The following CCDC88C variants were observed in gnomAD, a reference collection of about 807,000 sequenced individuals.
CCDC88C encodes protein Daple.
CCDC88C carries 131 observed loss-of-function variants against 198.8 expected under a neutral mutation model. The observed-to-expected ratio is 0.66, with a 90% CI of 0.57 to 0.76. The LOEUF is 0.76. CCDC88C is among the 30% of genes least tolerant of loss of function. CCDC88C has a pLI of 0.00. For synonymous variants in CCDC88C, 1,166 were observed against 1,114.7 expected, an observed-to-expected ratio of 1.05 and a Z score of -0.92; for missense variants, 2,553 against 2,631.6, an observed-to-expected ratio of 0.97 and a Z score of 0.65.
intron 4 of CCDC88C, 31 bp downstream of exon 4, chr14:91,359,611 C>T (rs372337181): frequency 6.3e-7 from 1 of 1,581,500 alleles, no homozygotes; most frequent in Non-Finnish European, 8.6e-7. Context: ...GGCTGGGCAC[C>T]ACAGGGGAGA....
chr14:91,287,059 C>T (rs1399523403), intron 25 of CCDC88C, among the ~76,000 whole-genome samples: 1 of 152,124 alleles, frequency 6.6e-6, no homozygotes, highest in Non-Finnish European at 1.5e-5. Flanking sequence ...CACTTTGGAC[C>T]AGTCAAGCAT....
intron 16 of CCDC88C, among the ~76,000 whole-genome samples, chr14:91,309,382 C>T (rs538878588): frequency 3.9e-5 from 6 of 152,228 alleles, no homozygotes; most frequent in African/African-American, 1.2e-4. Flanking sequence ...GTGGGCAGAT[C>T]GCTTTGAGCT....
intron 3 of CCDC88C, among the ~76,000 whole-genome samples, chr14:91,403,389 CAT>C (rs772154444): frequency 4.6e-5 from 7 of 152,196 alleles, no homozygotes; most frequent in Non-Finnish European, 8.8e-5. Flanking sequence ...AGAAACTTCA[CAT>C]GACAATGAGG....
chr14:91,404,240 C>G (rs924938320), intron 3 of CCDC88C, among the ~76,000 whole-genome samples: 14 of 152,238 alleles, frequency 9.2e-5, no homozygotes, highest in African/African-American at 2.7e-4. Flanking sequence ...TCAGCTACCC[C>G]CTCAACACCC....
chr14:91,328,527 C>A (rs1466919208), intron 10 of CCDC88C, among the ~76,000 whole-genome samples: 2 of 152,200 alleles, frequency 1.3e-5, no homozygotes, highest in African/African-American at 4.8e-5. Context: ...CAGCAAACAG[C>A]TGAGGGGACC....
At chr14:91,332,065 G>A (rs1892858091) in intron 10 of CCDC88C, among the ~76,000 whole-genome samples, 1 of 152,090 alleles carries the variant, frequency 6.6e-6, no homozygotes, top group Admixed American at 6.6e-5. Flanking sequence ...TGCCCCTCGG[G>A]CTATTTGGGA....
intron 3 of CCDC88C, chr14:91,379,569 A>C (rs546592157): frequency 1.9e-6 from 1 of 535,500 alleles, no homozygotes; most frequent in Admixed American, 3.4e-5. Context: ...TGCCTGATTC[A>C]GGTGCCTCCA....
At chr14:91,332,798 C>T (rs909800813) in intron 10 of CCDC88C, among the ~76,000 whole-genome samples, 5 of 152,218 alleles carry the variant, frequency 3.3e-5, no homozygotes, top group African/African-American at 1.2e-4. Context: ...AGCCTTGTAA[C>T]TGCAGAGCAA....
At chr14:91,334,576 T>C (rs1328896361) in intron 10 of CCDC88C, among the ~76,000 whole-genome samples, 1 of 152,246 alleles carries the variant, frequency 6.6e-6, no homozygotes, top group Non-Finnish European at 1.5e-5. Flanking sequence ...TGGTGCTGTC[T>C]GCTTTTAATT....
At chr14:91,345,203 T>A (rs1352090022) in intron 4 of CCDC88C, among the ~76,000 whole-genome samples, 2 of 133,830 alleles carry the variant, frequency 1.5e-5, no homozygotes, top group Non-Finnish European at 3.2e-5. Context: ...TTTTTTTTTT[T>A]TTTTTTTGAG....
intron 4 of CCDC88C, among the ~76,000 whole-genome samples, chr14:91,356,519 G>A (rs961238201): frequency 1.3e-5 from 2 of 152,150 alleles, no homozygotes; most frequent in African/African-American, 4.8e-5. Context: ...TACCACGGGG[G>A]CCCCAGGGAC....
At chr14:91,324,961 C>T (rs773704798) in intron 11 of CCDC88C, 38 bp from the exon 12 acceptor site, 4 of 1,611,196 alleles carry the variant, frequency 2.5e-6, no homozygotes, top group Non-Finnish European at 3.4e-6. Context: ...TGAGGCTGCA[C>T]AGCTGGAGAT....
At chr14:91,291,866 G>C (rs999060760) in intron 23 of CCDC88C, among the ~76,000 whole-genome samples, 2 of 152,318 alleles carry the variant, frequency 1.3e-5, no homozygotes, top group Non-Finnish European at 2.9e-5. Flanking sequence ...CTGCTTACCG[G>C]GGAGACCTTG....
Position 91,339,346 on chromosome 14 carries a change from T to G in CCDC88C, c.741A>C (p.Glu247Asp), listed in dbSNP as rs767709404. 6.2e-7 allele frequency: 1 copy of G among 1,613,726 alleles called. No homozygotes were observed. The highest frequency in any genetic ancestry group is 1.3e-5 in the African/African-American group (1 of 74,926). The stretch of plus-strand genomic sequence containing the variant: ...GCTCTACGGCCAGGTGCTGCTTGTC[T>G]TCGCTAGAGAGGCTGCTGGTGGGGC... ...TPSPTSSLSS[E>D]DKQHLAVELA... Residue 247 changes from glutamate to aspartate, a missense_variant, in exon 8 of 30, where the codon GAA becomes GAC. Transcript: ENST00000389857. The surrounding 1 kb of genome is among the most constrained non-coding windows in gnomAD (Gnocchi z 5.8).
rs1315650415 is a variant in CCDC88C at position 91,283,532 on chromosome 14, G to T, written c.4442-15C>A. 6.2e-7 allele frequency: 1 copy of T among 1,600,046 alleles called. No homozygotes were observed. The highest frequency in any genetic ancestry group is 2.3e-5 in the East Asian group (1 of 44,350). On this transcript the variant is annotated splice_polypyrimidine_tract_variant and intron_variant, in intron 25 of 29. Transcript: ENST00000389857. ...ATCCCCAGGGCCTGAGGCAGAAGAG[G>T]ACATTGAGAAATGAGGCTGCCAAGT...
chr14:91,415,881 C>G (rs540565831), intron 2 of CCDC88C, among the ~76,000 whole-genome samples: 38 of 152,266 alleles, frequency 2.5e-4, no homozygotes, highest in Admixed American at 7.8e-4. Flanking sequence ...GATTTATGCT[C>G]CAGTATGACA....
chr14:91,283,305 G>A, intron 26 of CCDC88C, 24 bp downstream of exon 26: 1 of 1,609,172 alleles, frequency 6.2e-7, no homozygotes, highest in Non-Finnish European at 8.5e-7. Flanking sequence ...GACGCTCATG[G>A]CTCTGGAAGG....
At position 91,417,611 on chromosome 14, in the gene CCDC88C, G is replaced by C. The variant is rs1887137812; in HGVS notation, c.60+20C>G. ...GAAGCCGGTGCACCAACAAAGGGGC[G>C]GGGAGCCAGGCGCACTCACCCAGGT... is the stretch of plus-strand genomic sequence containing the variant. On this transcript the variant is annotated intron_variant, in intron 1 of 29. Coordinates refer to ENST00000389857, the MANE Select transcript of CCDC88C (RefSeq NM_001080414.4). 4 of 1,579,900 alleles carry C rather than the reference G, an allele frequency of 2.5e-6. No homozygotes were observed. The highest frequency in any genetic ancestry group is 3.4e-6 in the Non-Finnish European group (4 of 1,164,924).
intron 3 of CCDC88C, among the ~76,000 whole-genome samples, chr14:91,367,414 T>C (rs545401561): frequency 1.3e-5 from 2 of 152,172 alleles, no homozygotes; most frequent in African/African-American, 2.4e-5. Context: ...AAGACTGAAA[T>C]AGCAGAAGCA....
Sources: gnomAD v4.1 joint callset for allele counts (sites outside exome capture counted in the v4.1 genomes callset) on GRCh38, gnomAD v4.1.1 for gene constraint, Gnocchi (gnomAD v3.1) non-coding constraint, MANE v1.5 for transcripts, NCBI Gene and HGNC (gene_info 2026-07-23, HGNC 2026-07-21) for gene names.